RARB: variants seen among roughly 807,000 people sequenced by gnomAD.
RARB encodes the protein HBV-activated protein.
RARB carries 17 observed loss-of-function variants against 51.9 expected under a neutral mutation model. The observed-to-expected ratio is 0.33, with a 90% confidence interval of 0.22 to 0.49. The LOEUF is 0.49. Ranked by LOEUF, RARB falls within the 20% of genes least tolerant of loss-of-function variation. The pLI is 0.99. For synonymous variants in RARB, 215 were observed against 195.4 expected (o/e 1.10, Z -0.84); for missense variants, 369 against 550.8 (o/e 0.67, Z 3.30).
intron 3 of RARB, among the ~76,000 whole-genome samples, chr3:25,099,591 T>A (rs115152111): frequency 0.02 from 2,986 of 147,240 alleles, 78 homozygotes; most frequent in African/African-American, 0.071. Context: ...TTCCTCTACC[T>A]TTCTCATGAG....
chr3:25,429,296 C>G (rs573669302), intron 1 of RARB, among the ~76,000 whole-genome samples: 4 of 152,238 alleles, frequency 2.6e-5, no homozygotes, highest in Admixed American at 6.5e-5. Context: ...TTTGGATTAG[C>G]TACTAGTTGT....
Position 25,410,737 on chromosome 3 carries a change from C to T in RARB, c.179-50456C>T, listed in dbSNP as rs142778271. 8.4e-3 allele frequency among the ~76,000 whole-genome samples: 1,286 copies of T among 152,238 alleles called. 21 individuals carry two copies. The highest frequency in any genetic ancestry group is 0.028 in the African/African-American group (1,172 of 41,534). ...CTCTATGCAGCTTTTTGTCCAGTGACGCCATATTGTTTGATTCTTGAAATG... is the reference window on the plus strand; with the variant it reads ...CTCTATGCAGCTTTTTGTCCAGTGATGCCATATTGTTTGATTCTTGAAATG... On this transcript the variant is annotated intron_variant, in intron 5 of 11. Transcript: ENST00000383772.
intron 3 of RARB, among the ~76,000 whole-genome samples, chr3:25,119,372 G>C (rs1402030126): frequency 6.6e-6 from 1 of 152,104 alleles, no homozygotes; most frequent in Non-Finnish European, 1.5e-5. Context: ...TTGTCTAACT[G>C]TGTTTGCTAC....
chr3:25,266,241 A>C (rs1019094516), intron 5 of RARB, among the ~76,000 whole-genome samples: 5 of 152,146 alleles, frequency 3.3e-5, no homozygotes, highest in South Asian at 2.1e-4. Context: ...TTTAGGGGCT[A>C]ATATTTTGCT....
At chr3:25,475,611 C>G (rs1289664748) in intron 2 of RARB, among the ~76,000 whole-genome samples, 1 of 152,104 alleles carries the variant, frequency 6.6e-6, no homozygotes, top group Admixed American at 6.6e-5. Flanking sequence ...TTTCTTCAAG[C>G]CATCTGGGGA....
intron 2 of RARB, among the ~76,000 whole-genome samples, chr3:25,482,676 A>T (rs2125583310): frequency 6.6e-6 from 1 of 151,610 alleles, no homozygotes; most frequent in Admixed American, 6.6e-5. Flanking sequence ...AGTAGCTGGG[A>T]CTACAGGCGC....
chr3:24,879,665 A>G (rs951401419), intron 2 of RARB, among the ~76,000 whole-genome samples: 1 of 152,016 alleles, frequency 6.6e-6, no homozygotes, highest in Non-Finnish European at 1.5e-5. Flanking sequence ...CTTTTAAACA[A>G]AAAACCGAAT....
chr3:24,879,571 C>T (rs909674946), intron 2 of RARB, among the ~76,000 whole-genome samples: 3 of 145,218 alleles, frequency 2.1e-5, no homozygotes, highest in African/African-American at 7.7e-5. Flanking sequence ...CCTCTGTAAT[C>T]CCAGCACTCT....
Position 25,221,653 on chromosome 3 carries a change from C to G in RARB, c.178+47078C>G, listed in dbSNP as rs530947768. 6.9e-4 allele frequency among the ~76,000 whole-genome samples: 105 copies of G among 152,246 alleles called. 2 individuals carry two copies. Among genetic ancestry groups the G allele is most frequent in the Non-Finnish European group, 9.9e-4 (67 of 68,010 alleles). On this transcript the variant is annotated intron_variant, in intron 5 of 11. Transcript: ENST00000383772. ...TGTATAATATACCGTTTCTGGCAGT[C>G]TTAAAGAGAAGTCACTTCTCCTCTT...
chr3:25,293,898 T>A (rs1203538454), intron 5 of RARB, among the ~76,000 whole-genome samples: 2 of 152,200 alleles, frequency 1.3e-5, no homozygotes, highest in Non-Finnish European at 2.9e-5. Flanking sequence ...CAATTTCACA[T>A]GTGTCGTAAC....
intron 2 of RARB, among the ~76,000 whole-genome samples, chr3:24,967,614 G>C (rs917008416): frequency 1.3e-5 from 2 of 152,046 alleles, no homozygotes; most frequent in Admixed American, 1.3e-4. Context: ...CCTTCCACTG[G>C]CCTTTATGAG....
intron 3 of RARB, among the ~76,000 whole-genome samples, chr3:25,530,393 T>A (rs887377695): frequency 6.6e-6 from 1 of 152,240 alleles, no homozygotes; most frequent in African/African-American, 2.4e-5. Context: ...AACACAAGTT[T>A]ACTATCTTGT....
At chr3:25,011,186 TAG>T (rs1446904970) in intron 2 of RARB, among the ~76,000 whole-genome samples, 1 of 152,132 alleles carries the variant, frequency 6.6e-6, no homozygotes. Flanking sequence ...ACTTACATTC[TAG>T]CAAAAGGGAA....
At chr3:24,985,113 G>T (rs112346536) in intron 2 of RARB, among the ~76,000 whole-genome samples, 2,387 of 152,214 alleles carry the variant, frequency 0.016, 27 homozygotes, top group Non-Finnish European at 0.024. Flanking sequence ...GACCAATACA[G>T]CTAGCATGGA....
intron 5 of RARB, among the ~76,000 whole-genome samples, chr3:25,336,896 G>C (rs1705079353): frequency 6.6e-6 from 1 of 152,172 alleles, no homozygotes; most frequent in African/African-American, 2.4e-5. Flanking sequence ...TCTCAGAACA[G>C]GGTCCTACTC....
intron 3 of RARB, among the ~76,000 whole-genome samples, chr3:25,064,451 T>C (rs944285570): frequency 6.6e-6 from 1 of 152,124 alleles, no homozygotes; most frequent in African/African-American, 2.4e-5. Context: ...CTTTTTCACA[T>C]ACAGTTGTAA....
chr3:25,428,560 C>A lies in RARB; in HGVS notation c.-172C>A, dbSNP rs1708073403. The A allele has an allele frequency of 7.6e-7, 1 of 1,318,492 alleles. No individual in the cohort carries two copies. The highest frequency in any genetic ancestry group is 9.7e-7 in the Non-Finnish European group (1 of 1,030,836). The allele number at this position is 1,318,492 out of a possible 1,614,324, so 81.7% of individuals were successfully genotyped here. A position where few individuals can be genotyped will look rare whatever the true frequency, so the allele number is the denominator to read the frequency against. ...AATGATCATTTGGATCAATTACAGG[C>A]TTTTAGCTGGCTTGTCTGTCATAAT... On this transcript the variant is annotated 5_prime_UTR_variant, in exon 1 of 8. Coordinates refer to ENST00000330688, the MANE Select transcript of RARB (RefSeq NM_000965.5).
At chr3:25,309,922 A>G (rs1042076711) in intron 5 of RARB, among the ~76,000 whole-genome samples, 1 of 152,170 alleles carries the variant, frequency 6.6e-6, no homozygotes, top group Non-Finnish European at 1.5e-5. Context: ...ATGGCTTTAA[A>G]GAAAACTAAA....
chr3:25,098,381 C>T (rs113914136), intron 3 of RARB, among the ~76,000 whole-genome samples: 231 of 152,242 alleles, frequency 1.5e-3, no homozygotes, highest in African/African-American at 5.3e-3. Context: ...AGATCTCTAT[C>T]GTGCTGTATT....
Sources: allele counts gnomAD v4.1 joint callset (sites outside exome capture counted in the v4.1 genomes callset), GRCh38; gene constraint gnomAD v4.1.1; transcripts MANE v1.5; gene names NCBI Gene and HGNC (gene_info 2026-07-23, HGNC 2026-07-21).